The following SMAD9 variants were observed in gnomAD, a reference collection of about 807,000 sequenced individuals.
SMAD9 encodes the protein MAD homolog 9.
SMAD9 carries 36 observed loss-of-function variants against 46.1 expected under a neutral mutation model. That is an observed-to-expected ratio of 0.78 (90% CI 0.60 to 1.03). The LOEUF is 1.03. Among genes scored for constraint, SMAD9 ranks in the 50% least tolerant of loss-of-function variants. SMAD9 has a pLI of 0.00. For synonymous variants in SMAD9, 245 were observed against 237.1 expected (o/e 1.03, Z -0.31); for missense variants, 572 against 599.8 (o/e 0.95, Z 0.48).
At chr13:36,920,256 T>C (rs2058735465), upstream of SMAD9, 1 of 150,584 alleles carries the variant, frequency 6.6e-6, no homozygotes, top group South Asian at 1.8e-4. Flanking sequence ...CGAAGCCTCA[T>C]CGCCCGTATT....
chr13:36,905,224 T>C (rs1216534601), intron 1 of SMAD9, among the ~76,000 whole-genome samples: 1 of 152,050 alleles, frequency 6.6e-6, no homozygotes, highest in Non-Finnish European at 1.5e-5. Context: ...AGAGTGGAGG[T>C]TGAGAAACCC....
At chr13:36,874,209 C>G (rs561861496) in intron 2 of SMAD9, among the ~76,000 whole-genome samples, 1 of 152,324 alleles carries the variant, frequency 6.6e-6, no homozygotes, top group African/African-American at 2.4e-5. Context: ...AAAGGACCTA[C>G]GTCTTCATGT....
intron 5 of SMAD9, among the ~76,000 whole-genome samples, chr13:36,859,042 T>C (rs370806850): frequency 3.3e-5 from 5 of 152,200 alleles, no homozygotes; most frequent in African/African-American, 9.6e-5. Flanking sequence ...ATTGGGATCA[T>C]ACTCTACAGG....
At chr13:36,885,491 G>A (rs2058437882) in intron 1 of SMAD9, among the ~76,000 whole-genome samples, 1 of 152,070 alleles carries the variant, frequency 6.6e-6, no homozygotes, top group South Asian at 2.1e-4. Flanking sequence ...TGTATTATAA[G>A]ACATAATCAC....
At chr13:36,856,481 A>C (rs1037972014) in intron 5 of SMAD9, among the ~76,000 whole-genome samples, 1 of 152,190 alleles carries the variant, frequency 6.6e-6, no homozygotes, top group East Asian at 1.9e-4. Flanking sequence ...CCAGAGAGAG[A>C]AGAGCAGAGC....
At chr13:36,915,301 G>C (rs922252384) in intron 1 of SMAD9, among the ~76,000 whole-genome samples, 1 of 152,216 alleles carries the variant, frequency 6.6e-6, no homozygotes, top group African/African-American at 2.4e-5. Flanking sequence ...TGGAGTCCTA[G>C]AATGAATGGG....
rs1005968381 is a variant in SMAD9 at position 36,910,051 on chromosome 13, T to G, written c.-187+10065A>C. On this transcript the variant is annotated intron_variant, in intron 1 of 6. Transcript: ENST00000379826. The stretch of plus-strand genomic sequence containing the variant: ...TCTCTACTAAAAATACAAAAAATTA[T>G]CCGGGCGTGGTGGCGGGCGCCTGTA... Among the ~76,000 whole-genome samples the G allele has an allele frequency of 6.6e-5, 10 of 151,688 alleles. No individual in the cohort carries two copies. In the South Asian group the frequency reaches 8.4e-4, roughly 13 times the overall value.
At position 36,879,334 on chromosome 13, in the gene SMAD9, G is replaced by C; in HGVS notation, c.356C>G (p.Ser119Cys). Residue 119 changes from serine to cysteine, a missense_variant, in exon 2 of 7, where the codon TCC becomes TGC. Coordinates refer to ENST00000379826, the MANE Select transcript of SMAD9 (RefSeq NM_001127217.3). ...PLECCEFPFG[S>C]KQKEVCINPY... is the part of the protein sequence containing the mutation. The stretch of plus-strand genomic sequence containing the variant: ...GTTAATGCACACTTCTTTCTGCTTG[G>C]AGCCAAATGGGAACTCACAGCACTC... 6.2e-7 allele frequency: 1 copy of C among 1,614,136 alleles called. No homozygotes were observed. Among genetic ancestry groups the C allele is most frequent in the Non-Finnish European group, 8.5e-7 (1 of 1,180,028 alleles).
At chr13:36,901,667 A>T (rs2058577475) in intron 1 of SMAD9, among the ~76,000 whole-genome samples, 1 of 151,922 alleles carries the variant, frequency 6.6e-6, no homozygotes, top group African/African-American at 2.4e-5. Context: ...GCCTCAAATG[A>T]TCTCCCTGCC....
intron 2 of SMAD9, 64 bp from the exon 3 acceptor site, chr13:36,872,979 G>T (rs1279867245): frequency 1.9e-6 from 3 of 1,556,756 alleles, no homozygotes; most frequent in Non-Finnish European, 2.7e-6. Context: ...CAACAGAGTG[G>T]ATACTTGCTG....
rs969769015 is a variant in SMAD9, at chr13:36,872,534, C to T, written c.670+124G>A. On this transcript the variant is annotated intron_variant, in intron 3 of 6. Transcript: ENST00000379826. ...GTCCTAATCATTTTAAGGCTGATTGCTTTGTAAACTGTTTATACTATATGA... is the reference window on the plus strand; with the variant it reads ...GTCCTAATCATTTTAAGGCTGATTGTTTTGTAAACTGTTTATACTATATGA... 2.4e-5 allele frequency: 28 copies of T among 1,153,336 alleles called. No homozygotes were observed. The African/African-American group carries it at 3.3e-4, about 14-fold the overall frequency. 71.4% of individuals were successfully genotyped at this position (1,153,336 alleles called of 1,614,324 possible). A position where few individuals can be genotyped will look rare whatever the true frequency, so the allele number is the denominator to read the frequency against.
At chr13:36,899,742 A>G (rs891412084) in intron 1 of SMAD9, among the ~76,000 whole-genome samples, 2 of 152,238 alleles carry the variant, frequency 1.3e-5, no homozygotes, top group Non-Finnish European at 2.9e-5. Flanking sequence ...ATTTATCAGC[A>G]TATGAGGGGA....
intron 1 of SMAD9, among the ~76,000 whole-genome samples, chr13:36,885,734 G>C (rs2058439779): frequency 6.6e-6 from 1 of 151,476 alleles, no homozygotes; most frequent in Non-Finnish European, 1.5e-5. Context: ...AGGCATCTGT[G>C]GACATTTGAA....
At position 36,911,867 on chromosome 13, in the gene SMAD9, C is replaced by T. The variant is rs1224527155; in HGVS notation, c.-187+8249G>A. Among the ~76,000 whole-genome samples the T allele has an allele frequency of 4.6e-5, 7 of 152,290 alleles. No homozygotes were observed. In the East Asian group the frequency reaches 5.8e-4, roughly 13 times the overall value. The stretch of plus-strand genomic sequence containing the variant: ...GGGATTACAGGCATGTGCCACCACA[C>T]CCAGCTAATTTTGTATTTTTAGTAG... On this transcript the variant is annotated intron_variant, in intron 1 of 6. Coordinates refer to ENST00000379826, the MANE Select transcript of SMAD9 (RefSeq NM_001127217.3).
intron 1 of SMAD9, among the ~76,000 whole-genome samples, chr13:36,906,142 T>A (rs1400362651): frequency 6.6e-6 from 1 of 152,126 alleles, no homozygotes; most frequent in Non-Finnish European, 1.5e-5. Context: ...TCAAATTTCA[T>A]TTGAAGAATA....
At chr13:36,904,820 TA>T (rs1437542632) in intron 1 of SMAD9, among the ~76,000 whole-genome samples, 1 of 152,248 alleles carries the variant, frequency 6.6e-6, no homozygotes, top group Non-Finnish European at 1.5e-5. Context: ...ATCTCTCCCA[TA>T]AAAGAGGTGT....
At chr13:36,887,368 G>A (rs1176935811) in intron 1 of SMAD9, among the ~76,000 whole-genome samples, 1 of 151,566 alleles carries the variant, frequency 6.6e-6, no homozygotes. Context: ...GATTACAGGT[G>A]TACACCACCA....
chr13:36,898,977 T>C (rs1157031246), intron 1 of SMAD9, among the ~76,000 whole-genome samples: 1 of 152,132 alleles, frequency 6.6e-6, no homozygotes, highest in Non-Finnish European at 1.5e-5. Context: ...AAAAATTTTC[T>C]GTATTCACAG....
intron 1 of SMAD9, among the ~76,000 whole-genome samples, chr13:36,889,096 C>A (rs2058470436): frequency 6.6e-6 from 1 of 152,322 alleles, no homozygotes; most frequent in South Asian, 2.1e-4. Flanking sequence ...AACACTGATT[C>A]TGCTTCAGAA....
Sources: allele counts gnomAD v4.1 joint callset (sites outside exome capture counted in the v4.1 genomes callset), GRCh38; gene constraint gnomAD v4.1.1; transcripts MANE v1.5; gene names NCBI Gene and HGNC (gene_info 2026-07-23, HGNC 2026-07-21).